The following CAPZB variants were observed in gnomAD, a reference collection of about 807,000 sequenced individuals.
CAPZB encodes F-actin-capping protein subunit beta.
Under a neutral mutation model 38.1 loss-of-function variants are expected in CAPZB, and 2 were observed. That is an observed-to-expected ratio of 0.05 (90% CI 0.02 to 0.17). CAPZB has a LOEUF of 0.17. CAPZB is among the 10% of genes least tolerant of loss of function. CAPZB has a pLI of 1.00. For synonymous variants in CAPZB, 107 were observed against 127.4 expected (o/e 0.84, Z 1.08); for missense variants, 161 against 334.2 (o/e 0.48, Z 4.04).
At chr1:19,406,522 T>C (rs1376080586) in intron 2 of CAPZB, among the ~76,000 whole-genome samples, 1 of 152,132 alleles carries the variant, frequency 6.6e-6, no homozygotes, top group East Asian at 1.9e-4. Flanking sequence ...GAGTCAGCCA[T>C]CCTCTGGTGA....
intron 6 of CAPZB, among the ~76,000 whole-genome samples, chr1:19,347,011 T>A: frequency 6.6e-6 from 1 of 151,534 alleles, no homozygotes; most frequent in East Asian, 1.9e-4. Flanking sequence ...TATTTTTATT[T>A]TTTATTTTTA....
At chr1:19,395,715 C>T (rs1397337339) in intron 2 of CAPZB, among the ~76,000 whole-genome samples, 1 of 152,222 alleles carries the variant, frequency 6.6e-6, no homozygotes, top group Non-Finnish European at 1.5e-5. Flanking sequence ...AGGCACACAA[C>T]CCATCACCTG....
At chr1:19,448,196 G>A (rs561020174) in intron 1 of CAPZB, among the ~76,000 whole-genome samples, 65 of 152,336 alleles carry the variant, frequency 4.3e-4, no homozygotes, top group African/African-American at 1.2e-3. Context: ...AGGGTGGTGC[G>A]CCGCTGCGCA....
intron 6 of CAPZB, among the ~76,000 whole-genome samples, chr1:19,348,759 A>AGG (rs34640043): frequency 3.4e-4 from 33 of 98,296 alleles, no homozygotes; most frequent in African/African-American, 1.2e-3. Flanking sequence ...GCATCTGACA[A>AGG]GGGGGGGGGG....
At position 19,485,531 on chromosome 1, in the gene CAPZB, A is replaced by T. The variant is rs1394101810; in HGVS notation, c.-93T>A. 9.4e-7 allele frequency: 1 copy of T among 1,069,186 alleles called. No homozygotes were observed. Among genetic ancestry groups the T allele is most frequent in the Admixed American group, 4.3e-5 (1 of 23,082 alleles). The allele number at this position is 1,069,186 out of a possible 1,614,324, so 66.2% of individuals were successfully genotyped here. The stretch of plus-strand genomic sequence containing the variant: ...GCTTCCACTTCCCCGGGTGCCCAGG[A>T]GTGAACATCCGGGTCAGCACCCCCC... On this transcript the variant is annotated 5_prime_UTR_variant, in exon 1 of 9. Transcript: ENST00000264202.
chr1:19,383,446 CAAAAAAAA>C, intron 3 of CAPZB, among the ~76,000 whole-genome samples: 1 of 118,068 alleles, frequency 8.5e-6, no homozygotes, highest in African/African-American at 3.3e-5. Flanking sequence ...GACTCTGTCT[CAAAAAAAA>C]AAAAAAAAAA....
At chr1:19,366,694 AAAC>A (rs147171052) in intron 4 of CAPZB, among the ~76,000 whole-genome samples, 19,433 of 151,862 alleles carry the variant, frequency 0.13, 1,368 homozygotes, top group East Asian at 0.23. Flanking sequence ...ATCTCAAAAG[AAAC>A]AACAACAACA....
At chr1:19,385,459 C>A (rs757551073) in intron 3 of CAPZB, 46 bp downstream of exon 3, 3 of 1,609,028 alleles carry the variant, frequency 1.9e-6, no homozygotes, top group Non-Finnish European at 2.5e-6. Context: ...TACGGCAGCC[C>A]GCGTGTGCCT....
chr1:19,452,636 G>C (rs1052691562), intron 1 of CAPZB, among the ~76,000 whole-genome samples: 1 of 151,914 alleles, frequency 6.6e-6, no homozygotes, highest in African/African-American at 2.4e-5. Flanking sequence ...CCCCAAGTGT[G>C]ATCTCACTGG....
Position 19,339,721 on chromosome 1 carries a change from C to T in CAPZB, c.732-104G>A, listed in dbSNP as rs1189048949. ...GTGCCTGGCTGATTTGCTGCATGGA[C>T]CCGCTTCCTGGGGTGAGGCTCTGGG... is the stretch of plus-strand genomic sequence containing the variant. On this transcript the variant is annotated intron_variant, in intron 8 of 8. Coordinates refer to ENST00000264202, the MANE Select transcript of CAPZB (RefSeq NM_004930.5). The T allele has an allele frequency of 2.0e-5, 18 of 880,106 alleles. No individual in the cohort carries two copies. The South Asian group carries it at 2.4e-4, about 12-fold the overall frequency. 54.5% of individuals were successfully genotyped at this position (880,106 alleles called of 1,614,324 possible). A position where few individuals can be genotyped will look rare whatever the true frequency, so the allele number is the denominator to read the frequency against.
At chr1:19,421,577 A>G (rs1337611404) in intron 1 of CAPZB, among the ~76,000 whole-genome samples, 2 of 152,242 alleles carry the variant, frequency 1.3e-5, no homozygotes, top group African/African-American at 4.8e-5. Flanking sequence ...ACGCATTTCT[A>G]TGCCAACATG....
At chr1:19,394,990 G>A (rs1259799761) in intron 2 of CAPZB, among the ~76,000 whole-genome samples, 4 of 152,284 alleles carry the variant, frequency 2.6e-5, no homozygotes, top group South Asian at 4.1e-4. Flanking sequence ...AAAGGTGAGC[G>A]ATGACACTCT....
chr1:19,358,871 C>A (rs1301019449), intron 4 of CAPZB, among the ~76,000 whole-genome samples: 1 of 152,180 alleles, frequency 6.6e-6, no homozygotes, highest in African/African-American at 2.4e-5. Flanking sequence ...AGGTGGGCCG[C>A]AGAGTGCACT....
intron 1 of CAPZB, among the ~76,000 whole-genome samples, chr1:19,432,612 C>T (rs868671136): frequency 6.6e-6 from 1 of 152,194 alleles, no homozygotes; most frequent in Non-Finnish European, 1.5e-5. Flanking sequence ...ATGGGCCAGG[C>T]GCTGCACCCT....
rs185347059 is a variant in CAPZB, at chr1:19,465,957, G to A, written c.3+19479C>T. ...GACCTCATTTAATTAGCCTCAAATC[G>A]ATCCTATGACAAGGAACCAGTCCCA... On this transcript the variant is annotated intron_variant, in intron 1 of 8. Transcript: ENST00000264202. 2.2e-4 allele frequency among the ~76,000 whole-genome samples: 33 copies of A among 152,140 alleles called. No homozygotes were observed. The East Asian group carries it at 3.5e-3, about 16-fold the overall frequency.
chr1:19,357,842 C>T lies in CAPZB; in HGVS notation c.330-279G>A, dbSNP rs1006130322. 2.0e-5 allele frequency among the ~76,000 whole-genome samples: 3 copies of T among 152,122 alleles called. No individual in the cohort carries two copies. Among genetic ancestry groups the T allele is most frequent in the South Asian group, 4.1e-4 (2 of 4,828 alleles). ...CTTTGGCTTACTGAACCTCTCTGGG[C>T]GTCACACTCCTCCCAGATAAAGAAT... is the stretch of plus-strand genomic sequence containing the variant. On this transcript the variant is annotated intron_variant, in intron 4 of 8. Transcript: ENST00000264202. The surrounding 1 kb of genome is among the most constrained non-coding windows in gnomAD (Gnocchi z 4.3).
intron 3 of CAPZB, among the ~76,000 whole-genome samples, chr1:19,381,570 G>A (rs953755940): frequency 2.0e-5 from 3 of 152,104 alleles, no homozygotes; most frequent in African/African-American, 4.8e-5. Context: ...CGGGCATGGC[G>A]CCCAGGTGCT....
chr1:19,455,374 A>G (rs2094529786), intron 1 of CAPZB, among the ~76,000 whole-genome samples: 1 of 152,230 alleles, frequency 6.6e-6, no homozygotes, highest in Non-Finnish European at 1.5e-5. Flanking sequence ...AAATAAAATT[A>G]AACTTTACTT....
At chr1:19,373,358 G>C (rs2094128679) in intron 4 of CAPZB, among the ~76,000 whole-genome samples, 1 of 152,216 alleles carries the variant, frequency 6.6e-6, no homozygotes, top group African/African-American at 2.4e-5. Context: ...AGAAAGGCCT[G>C]CTGGTCAACC....
Sources: gnomAD v4.1 joint callset for allele counts (sites outside exome capture counted in the v4.1 genomes callset) on GRCh38, gnomAD v4.1.1 for gene constraint, Gnocchi (gnomAD v3.1) non-coding constraint, MANE v1.5 for transcripts, NCBI Gene and HGNC (gene_info 2026-07-23, HGNC 2026-07-21) for gene names.